The following ZNF630 variants were observed in gnomAD, a reference collection of about 807,000 sequenced individuals.
The protein encoded by ZNF630 is zinc finger protein 630, also known as dJ54B20.2 (novel KRAB box containing C2H2 type zinc finger protein).
In ZNF630, 5 loss-of-function variants were observed where a neutral mutation model predicts 7.2. The observed-to-expected ratio is 0.70, with a 90% CI of 0.36 to 1.46. The LOEUF (loss-of-function observed/expected upper bound fraction) is 1.46. Among genes scored for constraint, ZNF630 ranks in the 40% most tolerant of loss-of-function variants. The pLI is 0.03. For missense variants in ZNF630, 461 were observed against 477.0 expected (o/e 0.97, Z 0.31); for synonymous variants, 158 against 162.8 (o/e 0.97, Z 0.23).
Position 48,067,051 on chromosome X carries a change from G to GAGTCA in ZNF630, c.-166_-165insTGACT. 1 of 547,602 alleles carries GAGTCA rather than the reference G, an allele frequency of 1.8e-6. No individual in the cohort carries two copies. Among genetic ancestry groups the GAGTCA allele is most frequent in the Non-Finnish European group, 3.0e-6 (1 of 333,455 alleles). The allele number at this position is 547,602 out of a possible 1,213,427, so 45.1% of individuals were successfully genotyped here. On this transcript the variant is annotated 5_prime_UTR_variant, in exon 2 of 5. The change creates a premature stop within an existing upstream ORF in the 5' untranslated region. Coordinates refer to ENST00000276054, the MANE Select transcript of ZNF630 (RefSeq NM_001282201.2). ...CATCTGACTCGGTAATTCCATTTCC[G>GAGTCA]GAACTTCGTCCTAAGGTAATAATCA...
chrX:48,057,621 A>G lies in ZNF630; in HGVS notation c.*847T>C, dbSNP rs1217664912. Among the ~76,000 whole-genome samples the G allele has an allele frequency of 9.0e-6, 1 of 111,634 alleles. No individual in the cohort carries two copies. The highest frequency in any genetic ancestry group is 1.9e-5 in the Non-Finnish European group (1 of 53,153). ...CTATGTTGGAGAAATAACCACAGAT[A>G]TAAAGGAAATTAATCATGAGACTAC... On this transcript the variant is annotated 3_prime_UTR_variant, in exon 5 of 5. Coordinates refer to ENST00000276054, the MANE Select transcript of ZNF630 (RefSeq NM_001282201.2).
At chrX:48,069,126 G>A (rs556122108) in intron 1 of ZNF630, among the ~76,000 whole-genome samples, 12 of 109,177 alleles carry the variant, frequency 1.1e-4, no homozygotes, top group African/African-American at 4.0e-4. Context: ...CTGTAGTCCT[G>A]GCTACTTGGC....
chrX:48,060,804 G>A lies in ZNF630; in HGVS notation c.142+15C>T, dbSNP rs781837441. On this transcript the variant is annotated intron_variant, in intron 3 of 4. Coordinates refer to ENST00000276054, the MANE Select transcript of ZNF630 (RefSeq NM_001282201.2). ...GAGGATTTGATTCATTGGTACACAG[G>A]GAATCTGCCCTTACCCACGGAGACC... The A allele has an allele frequency of 8.4e-7, 1 of 1,183,732 alleles. No individual in the cohort carries two copies. The highest frequency in any genetic ancestry group is 1.1e-6 in the Non-Finnish European group (1 of 878,674).
chrX:48,060,607 A>T, intron 3 of ZNF630, 62 bp from the exon 4 acceptor site: 1 of 1,024,147 alleles, frequency 9.8e-7, no homozygotes, highest in East Asian at 3.0e-5. Flanking sequence ...GAAGAGAAGC[A>T]CTTGCAGGGG....
Position 48,059,532 on chromosome X carries a change from ATTTCTCACTGAAGGC to A in ZNF630, c.895_909del (p.Ala299_Lys303del), listed in dbSNP as rs782068418. 9.1e-6 allele frequency: 11 copies of A among 1,206,133 alleles called. 1 individual carries two copies. The African/African-American group carries it at 1.2e-4, about 14-fold the overall frequency. ...ATCCTCTGATGCACAATGAGGTGTG[ATTTCTCACTGAAGGC>A]TTTCCTACAATCTCCACATACATAT... On this transcript the variant is annotated inframe_deletion, in exon 5 of 5. Coordinates refer to ENST00000276054, the MANE Select transcript of ZNF630 (RefSeq NM_001282201.2).
At chrX:48,069,754 C>T (rs1556910686) in intron 1 of ZNF630, among the ~76,000 whole-genome samples, 2 of 110,128 alleles carry the variant, frequency 1.8e-5, no homozygotes, top group African/African-American at 6.6e-5. Flanking sequence ...CCAAGCTGTC[C>T]TAGCACTAAG....
intron 1 of ZNF630, among the ~76,000 whole-genome samples, chrX:48,068,563 C>T (rs1237234519): frequency 2.7e-5 from 3 of 111,550 alleles, no homozygotes; most frequent in Non-Finnish European, 5.7e-5. Context: ...TTTCATGGGT[C>T]ACAAAATATT....
rs2059098350 is a variant in ZNF630 at position 48,060,253 on chromosome X, ACACACACACAC to A, written c.239-61_239-51del. ...ATCAAATACACACACACACACACAC[ACACACACACAC>A]ACACACACACACACACACACACAAA... is the stretch of plus-strand genomic sequence containing the variant. On this transcript the variant is annotated intron_variant, in intron 4 of 4. Transcript: ENST00000276054. 8 of 815,107 alleles carry A rather than the reference ACACACACACAC, an allele frequency of 9.8e-6. No homozygotes were observed. In the African/African-American group the frequency reaches 1.8e-4, roughly 18 times the overall value. 67.2% of individuals were successfully genotyped at this position (815,107 alleles called of 1,213,427 possible).
Position 48,058,626 on chromosome X carries a change from T to C in ZNF630, c.1816A>G (p.Met606Val), listed in dbSNP as rs782708197. 5 of 1,206,609 alleles carry C rather than the reference T, an allele frequency of 4.1e-6. No individual in the cohort carries two copies. The highest frequency in any genetic ancestry group is 5.6e-6 in the Non-Finnish European group (5 of 892,846). ...EKTPECAESG[M>V]TFFWKSQMIT... ...ATCTGTGATTTCCAGAAAAAAGTCA[T>C]TCCAGACTCAGCACATTCAGGGGTT... The change falls in exon 5 of 5, where the codon ATG becomes GTG. Residue 606 changes from methionine (M) to valine (V), a missense_variant. Met to Val is a conservative substitution (Grantham distance 21). Transcript: ENST00000276054.
rs501128 is a variant in ZNF630 at position 48,058,816 on chromosome X, A to G, written c.1626T>C (p.Pro542=). Residue 542 remains proline (P), a synonymous_variant, in exon 5 of 5, where the codon CCT becomes CCC. Coordinates refer to ENST00000276054, the MANE Select transcript of ZNF630 (RefSeq NM_001282201.2). ...CCCTCCCACACTCAGTACACTCATA[A>G]GGTTTCTCCCCTGTGTGAACTCTCA... ...IHLRVHTGEK[P]YECTECGRAF... is the part of the protein sequence containing the mutation. 0.45 allele frequency: 537,644 copies of G among 1,201,037 alleles called. 84,307 individuals are homozygous for G. Among genetic ancestry groups the G allele is most frequent in the Non-Finnish European group, 0.47 (415,518 of 890,159 alleles).
intron 1 of ZNF630, among the ~76,000 whole-genome samples, chrX:48,070,859 G>A (rs1000187500): frequency 9.2e-5 from 10 of 109,104 alleles, no homozygotes; most frequent in Admixed American, 7.8e-4. Flanking sequence ...ACATATGATT[G>A]ATCTGAAAAA....
At position 48,065,480 on chromosome X, in the gene ZNF630, G is replaced by A. The variant is rs386825133; in HGVS notation, c.15+1392C>T. On this transcript the variant is annotated intron_variant, in intron 2 of 4. Coordinates refer to ENST00000276054, the MANE Select transcript of ZNF630 (RefSeq NM_001282201.2). ...AAGAGAGAGAGAGAGAGAGAGAGAG[G>A]GAGGGAGGGAGGGAGGGAGGAAGGA... 6.1e-3 allele frequency among the ~76,000 whole-genome samples: 415 copies of A among 68,283 alleles called. 1 individual carries two copies. The highest frequency in any genetic ancestry group is 0.019 in the African/African-American group (392 of 21,115). 59.3% of individuals were successfully genotyped at this position (68,283 alleles called of 115,157 possible).
chrX:48,058,098 A>C lies in ZNF630; in HGVS notation c.*370T>G. 1 of 140,752 alleles carries C rather than the reference A, an allele frequency of 7.1e-6. No individual in the cohort carries two copies. The highest frequency in any genetic ancestry group is 3.1e-4 in the South Asian group (1 of 3,190). 11.6% of individuals were successfully genotyped at this position (140,752 alleles called of 1,213,427 possible). A position where few individuals can be genotyped will look rare whatever the true frequency, so the allele number is the denominator to read the frequency against. ...AAATGCATATATAATCTAAACAGAA[A>C]AATATGGAAAAAATAGAGAAAGATG... On this transcript the variant is annotated 3_prime_UTR_variant, in exon 5 of 5. Coordinates refer to ENST00000276054, the MANE Select transcript of ZNF630 (RefSeq NM_001282201.2).
Position 48,058,300 on chromosome X carries a change from T to C in ZNF630, c.*168A>G, listed in dbSNP as rs1473011806. 2.3e-6 allele frequency: 1 copy of C among 427,195 alleles called. No homozygotes were observed. The highest frequency in any genetic ancestry group is 2.5e-5 in the African/African-American group (1 of 39,926). The allele number at this position is 427,195 out of a possible 1,213,427, so 35.2% of individuals were successfully genotyped here. On this transcript the variant is annotated 3_prime_UTR_variant, in exon 5 of 5. Coordinates refer to ENST00000276054, the MANE Select transcript of ZNF630 (RefSeq NM_001282201.2). Reference sequence around the variant, plus strand: ...GCAAATTGATTCCATATTTGTGATGTTGAAAATATTCTGAGGGCCTAAGCA... The same window carrying C: ...GCAAATTGATTCCATATTTGTGATGCTGAAAATATTCTGAGGGCCTAAGCA...
rs781836611 is a variant in ZNF630, at chrX:48,058,680, T to A, written c.1762A>T (p.Ile588Leu). ...TCCCTAGGATGAGTTTTCTGATGTA[T>A]AATGAGTGGAGACTTTCCACAGAAG... ...KAFCGKSPLI[I>L]HQKTHPREKT... The change falls in exon 5 of 5, where the codon ATA (isoleucine) becomes TTA (leucine). Residue 588 changes from isoleucine to leucine, a missense_variant. By Grantham distance (5) the Ile-to-Leu change is conservative. Transcript: ENST00000276054. 1 of 1,207,623 alleles carries A rather than the reference T, an allele frequency of 8.3e-7. No homozygotes were observed. The highest frequency in any genetic ancestry group is 1.1e-6 in the Non-Finnish European group (1 of 892,776).
rs1556908434 is a variant in ZNF630 at position 48,059,055 on chromosome X, C to A, written c.1387G>T (p.Asp463Tyr). 1 of 1,208,337 alleles carries A rather than the reference C, an allele frequency of 8.3e-7. No individual in the cohort carries two copies. The highest frequency in any genetic ancestry group is 2.2e-5 in the Admixed American group (1 of 45,907). Residue 463 changes from aspartate to tyrosine, a missense_variant, in exon 5 of 5, where the codon GAC becomes TAC. Physicochemically the swap from Asp to Tyr is radical, Grantham distance 160. Transcript: ENST00000276054. ...TTCTGGGAAAAGGCCTTCCCACAGT[C>A]AGTACACACATAAGGTTTTTCTCCT... Reference protein sequence around the residue: ...HTGEKPYVCTDCGKAFSQKSH... With the variant: ...HTGEKPYVCTYCGKAFSQKSH...
At chrX:48,062,939 T>C (rs1174163147) in intron 2 of ZNF630, among the ~76,000 whole-genome samples, 4 of 62,342 alleles carry the variant, frequency 6.4e-5, no homozygotes, top group Non-Finnish European at 1.1e-4. Flanking sequence ...AAACCCTGTC[T>C]CAAAAAGAAA....
intron 2 of ZNF630, 136 bp downstream of exon 2, chrX:48,066,736 A>G (rs1439739502): frequency 1.3e-6 from 1 of 790,049 alleles, no homozygotes; most frequent in Non-Finnish European, 1.9e-6. Context: ...AAGTAAGGCC[A>G]GGTGATCTGT....
intron 1 of ZNF630, among the ~76,000 whole-genome samples, chrX:48,068,117 C>A (rs2059139378): frequency 1.1e-5 from 1 of 88,900 alleles, no homozygotes; most frequent in Non-Finnish European, 2.1e-5. Context: ...GGAAGGAAGG[C>A]AGGACAGAAG....
Sources: gnomAD v4.1 joint callset for allele counts (sites outside exome capture counted in the v4.1 genomes callset) on GRCh38, gnomAD v4.1.1 for gene constraint, MANE v1.5 for transcripts, NCBI Gene and HGNC (gene_info 2026-07-23, HGNC 2026-07-21) for gene names.